The following STAU2 variants were observed in gnomAD, a reference collection of about 807,000 sequenced individuals.
STAU2 encodes the protein double-stranded RNA-binding protein Staufen homolog 2.
Under a neutral mutation model 65.9 loss-of-function variants are expected in STAU2, and 20 were observed. That is an observed-to-expected ratio of 0.30 (90% confidence interval 0.21 to 0.44). STAU2 has a LOEUF of 0.44. Among genes scored for constraint, STAU2 ranks in the 20% least tolerant of loss-of-function variants. STAU2 has a pLI of 1.00. For synonymous variants in STAU2, 232 were observed against 233.9 expected (o/e 0.99, Z 0.07); for missense variants, 558 against 683.9 (o/e 0.82, Z 2.05).
In STAU2 at chr8:73,586,761, T is replaced by C. The variant is rs561275629; in HGVS notation, c.1162-3931A>G. Among the ~76,000 whole-genome samples the C allele has an allele frequency of 2.1e-5, 3 of 144,580 alleles. No individual in the cohort carries two copies. The East Asian group carries it at 6.1e-4, about 29-fold the overall frequency. The allele number at this position is 144,580 out of a possible 152,430, so 94.9% of individuals were successfully genotyped here. On this transcript the variant is annotated intron_variant, in intron 11 of 14. Coordinates refer to ENST00000524300, the MANE Select transcript of STAU2 (RefSeq NM_001164380.2). ...GAGAATGAGGAAGAACTCTGGGAAA[T>C]CAAAAATAAAATAGCTGATGTGAAA... is the stretch of plus-strand genomic sequence containing the variant.
chr8:73,426,358 T>C (rs1475885079), intron 13 of STAU2, among the ~76,000 whole-genome samples: 3 of 152,200 alleles, frequency 2.0e-5, no homozygotes, highest in Non-Finnish European at 4.4e-5. Flanking sequence ...ATAGAACATA[T>C]TACTGTTAAC....
At chr8:73,744,956 T>C (rs894409733) in intron 1 of STAU2, among the ~76,000 whole-genome samples, 20 of 152,228 alleles carry the variant, frequency 1.3e-4, no homozygotes, top group African/African-American at 4.8e-4. Context: ...AAATTAACAA[T>C]ACATACTTGG....
chr8:73,487,408 G>A (rs1196944534), intron 13 of STAU2, among the ~76,000 whole-genome samples: 1 of 152,066 alleles, frequency 6.6e-6, no homozygotes, highest in Non-Finnish European at 1.5e-5. Context: ...AAGTGAAGAG[G>A]TGACTTGTGA....
chr8:73,686,668 T>C (rs2130503645), intron 5 of STAU2, among the ~76,000 whole-genome samples: 1 of 151,494 alleles, frequency 6.6e-6, no homozygotes, highest in South Asian at 2.1e-4. Context: ...CAACAAAATC[T>C]CAGAAATCAT....
rs1253155207 is a variant in STAU2, at chr8:73,686,704, G to A, written c.274+1950C>T. ...CACGGAAGAATTTATCAATGTAACC[G>A]AATACCACCTGTTCCCCAAAAACTA... On this transcript the variant is annotated intron_variant, in intron 5 of 14. Coordinates refer to ENST00000524300, the MANE Select transcript of STAU2 (RefSeq NM_001164380.2). Among the ~76,000 whole-genome samples the A allele has an allele frequency of 3.3e-5, 5 of 150,688 alleles. No individual in the cohort carries two copies. In the South Asian group the frequency reaches 6.3e-4, roughly 19 times the overall value.
intron 6 of STAU2, among the ~76,000 whole-genome samples, chr8:73,643,652 T>C (rs1815155261): frequency 6.6e-6 from 1 of 152,192 alleles, no homozygotes; most frequent in Non-Finnish European, 1.5e-5. Context: ...TGTACTTTTA[T>C]ACTCTAAAAA....
chr8:73,581,979 A>G (rs1810022019), intron 12 of STAU2, among the ~76,000 whole-genome samples: 1 of 152,182 alleles, frequency 6.6e-6, no homozygotes, highest in Non-Finnish European at 1.5e-5. Flanking sequence ...TGGAAATGGG[A>G]TAGACTGGGT....
At chr8:73,453,786 T>TAA (rs201566035) in intron 13 of STAU2, among the ~76,000 whole-genome samples, 2 of 151,026 alleles carry the variant, frequency 1.3e-5, no homozygotes, top group Non-Finnish European at 3.0e-5. Context: ...ATCTTTTTTT[T>TAA]AAAAAAAAAA....
At chr8:73,703,907 T>C (rs1039510416) in intron 4 of STAU2, among the ~76,000 whole-genome samples, 4 of 152,174 alleles carry the variant, frequency 2.6e-5, no homozygotes, top group African/African-American at 4.8e-5. Context: ...AACAATACTT[T>C]TGGCATGGGT....
chr8:73,726,966 A>G (rs1019377646), intron 3 of STAU2, among the ~76,000 whole-genome samples: 12 of 152,136 alleles, frequency 7.9e-5, no homozygotes, highest in Non-Finnish European at 1.5e-4. Flanking sequence ...ACGGTGGCTC[A>G]CTCCTGTAAT....
chr8:73,602,848 C>G (rs1220487616), intron 10 of STAU2, among the ~76,000 whole-genome samples: 1 of 151,544 alleles, frequency 6.6e-6, no homozygotes, highest in African/African-American at 2.4e-5. Context: ...TTTCATATTT[C>G]TTAGAAACAT....
At position 73,637,332 on chromosome 8, in the gene STAU2, T is replaced by C. The variant is rs773466112; in HGVS notation, c.411-19881A>G. 1.1e-4 allele frequency among the ~76,000 whole-genome samples: 16 copies of C among 151,274 alleles called. 1 individual carries two copies. The South Asian group carries it at 2.7e-3, about 26-fold the overall frequency. On this transcript the variant is annotated intron_variant, in intron 6 of 14. Transcript: ENST00000524300. Reference sequence around the variant, plus strand: ...TATAAAGAAAACCACACAAGATATGTTATAGTTTAACTGCTAAAAGCTAAA... The same window carrying C: ...TATAAAGAAAACCACACAAGATATGCTATAGTTTAACTGCTAAAAGCTAAA...
intron 6 of STAU2, among the ~76,000 whole-genome samples, chr8:73,635,302 C>A (rs1814405807): frequency 2.0e-5 from 3 of 152,062 alleles, no homozygotes; most frequent in Non-Finnish European, 1.5e-5. Context: ...ACCAAAAAGT[C>A]AATGAAACAG....
intron 13 of STAU2, among the ~76,000 whole-genome samples, chr8:73,503,046 G>C (rs1189902725): frequency 6.6e-6 from 1 of 152,062 alleles, no homozygotes. Flanking sequence ...AATCTCTTAA[G>C]TTACAAATTT....
intron 13 of STAU2, among the ~76,000 whole-genome samples, chr8:73,500,512 AC>A (rs1237746909): frequency 6.6e-6 from 1 of 151,868 alleles, no homozygotes; most frequent in Non-Finnish European, 1.5e-5. Context: ...GAAACCTTTA[AC>A]AAACTATGCT....
chr8:73,467,449 G>A (rs552229613), intron 13 of STAU2, among the ~76,000 whole-genome samples: 3 of 152,232 alleles, frequency 2.0e-5, no homozygotes, highest in Non-Finnish European at 2.9e-5. Context: ...GGAGAATGGC[G>A]TGAACCCGGG....
chr8:73,651,550 G>A (rs1815879288), intron 6 of STAU2: 3 of 848,116 alleles, frequency 3.5e-6, no homozygotes, highest in Admixed American at 3.7e-5. Flanking sequence ...CCAATGGCCT[G>A]CACCTGCTGT....
intron 13 of STAU2, chr8:73,550,484 T>C (rs2128942354): frequency 1.0e-6 from 1 of 986,180 alleles, no homozygotes; most frequent in East Asian, 1.1e-4. Flanking sequence ...GCTTTGTTTC[T>C]ATAAGAATGC....
At chr8:73,429,508 C>T (rs1169566127) in intron 13 of STAU2, among the ~76,000 whole-genome samples, 2 of 138,422 alleles carry the variant, frequency 1.4e-5, no homozygotes, top group Non-Finnish European at 3.0e-5. Context: ...TCATGGCTCG[C>T]TGCAGCCTAG....
Sources: gnomAD v4.1 joint callset for allele counts (sites outside exome capture counted in the v4.1 genomes callset) on GRCh38, gnomAD v4.1.1 for gene constraint, MANE v1.5 for transcripts, NCBI Gene and HGNC (gene_info 2026-07-23, HGNC 2026-07-21) for gene names.